Variants in GPBP1L1 observed in about 807,000 individuals in gnomAD.
GPBP1L1 encodes vasculin-like protein 1.
Under a neutral mutation model 52.5 loss-of-function variants are expected in GPBP1L1, and 23 were observed. The ratio of observed to expected loss-of-function variants is 0.44; its 90% CI spans 0.32 to 0.62. The LOEUF (loss-of-function observed/expected upper bound fraction) is 0.62, where lower values mean the gene tolerates loss of function less well. Among genes scored for constraint, GPBP1L1 ranks in the 20% least tolerant of loss-of-function variants. The probability of loss-of-function intolerance (pLI) is 0.06; values close to 1 mark genes in which losing one functional copy is unlikely to be tolerated. For missense variants in GPBP1L1, 596 were observed against 579.3 expected (o/e 1.03, Z -0.30); for synonymous variants, 243 against 203.1 (o/e 1.20, Z -1.67).
chr1:45,683,088 A>G (rs560315893), intron 2 of GPBP1L1, among the ~76,000 whole-genome samples: 22 of 151,078 alleles, frequency 1.5e-4, no homozygotes, highest in African/African-American at 5.4e-4. Context: ...ATCCTTTAAA[A>G]TTTTGTCTGC....
At chr1:45,631,325 C>T (rs1389654603) in intron 10 of GPBP1L1, among the ~76,000 whole-genome samples, 4 of 152,222 alleles carry the variant, frequency 2.6e-5, no homozygotes, top group African/African-American at 7.2e-5. Flanking sequence ...TGCAGTGGCG[C>T]GATCTCGGCT....
intron 6 of GPBP1L1, among the ~76,000 whole-genome samples, chr1:45,643,368 G>T (rs1396160612): frequency 6.6e-6 from 1 of 152,138 alleles, no homozygotes; most frequent in Admixed American, 6.5e-5. Context: ...TATTCTACAG[G>T]TAATGAGGAT....
In GPBP1L1 at chr1:45,640,365, C is replaced by T; in HGVS notation, c.589G>A (p.Val197Ile). ...PSAKQPSKML[V>I]IKKVSKEDPA... ...TCCTCTTTGGAAACTTTTTTGATAA[C>T]TAGCATCTTGGAGGGTTGCTTGGCA... Residue 197 changes from valine to isoleucine, a missense_variant, in exon 8 of 13, where the codon GTT becomes ATT. By Grantham distance (29) the Val-to-Ile change is conservative. Coordinates refer to ENST00000355105, the MANE Select transcript of GPBP1L1 (RefSeq NM_021639.5). The T allele has an allele frequency of 6.2e-7, 1 of 1,614,132 alleles. No homozygotes were observed. Among genetic ancestry groups the T allele is most frequent in the Non-Finnish European group, 8.5e-7 (1 of 1,180,014 alleles).
At chr1:45,643,942 C>G (rs1196503415) in intron 6 of GPBP1L1, among the ~76,000 whole-genome samples, 1 of 152,138 alleles carries the variant, frequency 6.6e-6, no homozygotes, top group African/African-American at 2.4e-5. Flanking sequence ...GCTGAGATTA[C>G]AGGCATGAGC....
At chr1:45,683,852 G>A (rs1569903418) in intron 2 of GPBP1L1, among the ~76,000 whole-genome samples, 2 of 152,138 alleles carry the variant, frequency 1.3e-5, no homozygotes, top group East Asian at 3.9e-4. Context: ...AGCCTGAGAG[G>A]TGGAGGCTGC....
intron 2 of GPBP1L1, among the ~76,000 whole-genome samples, chr1:45,671,053 C>T (rs1182680506): frequency 1.3e-5 from 2 of 152,056 alleles, no homozygotes; most frequent in Non-Finnish European, 2.9e-5. Flanking sequence ...CTCAGCCTCC[C>T]AAAGTGCTGG....
At chr1:45,646,034 A>T (rs2148451490) in intron 6 of GPBP1L1, 1 of 504,412 alleles carries the variant, frequency 2.0e-6, no homozygotes, top group East Asian at 5.6e-5. Flanking sequence ...CAGCTCTGTT[A>T]TCATCAATGA....
chr1:45,643,297 G>A (rs146514922), intron 6 of GPBP1L1, among the ~76,000 whole-genome samples: 71 of 152,324 alleles, frequency 4.7e-4, no homozygotes, highest in Admixed American at 4.6e-3. Flanking sequence ...TGGGGAAAGA[G>A]GTATCTGGCA....
intron 5 of GPBP1L1, 105 bp downstream of exon 5, chr1:45,655,085 T>C: frequency 2.1e-6 from 3 of 1,410,322 alleles, no homozygotes; most frequent in South Asian, 2.4e-5. Context: ...ATGAAAACTA[T>C]GTTCAGAAAA....
chr1:45,647,247 T>C (rs1053976775), intron 6 of GPBP1L1, among the ~76,000 whole-genome samples: 3 of 151,524 alleles, frequency 2.0e-5, no homozygotes, highest in Admixed American at 1.3e-4. Flanking sequence ...CTTGGCTCAC[T>C]GCAACCTCTG....
At chr1:45,642,890 T>C (rs937704698) in intron 6 of GPBP1L1, among the ~76,000 whole-genome samples, 1 of 152,338 alleles carries the variant, frequency 6.6e-6, no homozygotes, top group Middle Eastern at 3.4e-3. Flanking sequence ...GTGAAATGTA[T>C]AGTATTCACT....
rs138555118 is a variant in GPBP1L1, at chr1:45,659,671, C to T, written c.-56+513G>A. 6.2e-4 allele frequency among the ~76,000 whole-genome samples: 94 copies of T among 152,252 alleles called. No individual in the cohort carries two copies. In the East Asian group the frequency reaches 0.013, roughly 21 times the overall value. On this transcript the variant is annotated intron_variant, in intron 3 of 12. Coordinates refer to ENST00000355105, the MANE Select transcript of GPBP1L1 (RefSeq NM_021639.5). The stretch of plus-strand genomic sequence containing the variant: ...TAGAAAAGATCTTCTTGGCTGGGCA[C>T]GGTGGCTCACACCTGTAATCCCAGC...
intron 2 of GPBP1L1, among the ~76,000 whole-genome samples, chr1:45,673,853 C>T (rs926273779): frequency 2.6e-5 from 4 of 152,052 alleles, no homozygotes; most frequent in African/African-American, 7.3e-5. Context: ...AGCAAGACTC[C>T]GTCTCAAACA....
At chr1:45,643,686 T>TG (rs1644703939) in intron 6 of GPBP1L1, among the ~76,000 whole-genome samples, 3 of 116,586 alleles carry the variant, frequency 2.6e-5, no homozygotes, top group African/African-American at 6.5e-5. Flanking sequence ...TTTTTTTTTT[T>TG]TGTGACAGAG....
chr1:45,686,144 G>A (rs1003551517), intron 1 of GPBP1L1, among the ~76,000 whole-genome samples: 2 of 152,232 alleles, frequency 1.3e-5, no homozygotes, highest in African/African-American at 2.4e-5. Context: ...CCGACCCGAC[G>A]ACCGAAGTTA....
chr1:45,675,760 C>CA (rs1251298619), intron 2 of GPBP1L1, among the ~76,000 whole-genome samples: 1 of 152,102 alleles, frequency 6.6e-6, no homozygotes, highest in African/African-American at 2.4e-5. Flanking sequence ...AGGCTGGTCT[C>CA]AAACTCCTGG....
chr1:45,642,461 T>C lies in GPBP1L1; in HGVS notation c.516A>G (p.Pro172=). Residue 172 remains proline (P), a synonymous_variant, in exon 7 of 13, where the codon CCA becomes CCG. Coordinates refer to ENST00000355105, the MANE Select transcript of GPBP1L1 (RefSeq NM_021639.5). ...CAGAAGGTGTCCCAATAGGTCTGCATGGCTGATGCTGTTTGCCAGCTTCTG... is the reference window on the plus strand; with the variant it reads ...CAGAAGGTGTCCCAATAGGTCTGCACGGCTGATGCTGTTTGCCAGCTTCTG... ...LNPEAGKQHQ[P]CRPIGTPSGV... The C allele has an allele frequency of 6.2e-7, 1 of 1,614,094 alleles. No homozygotes were observed.
At chr1:45,677,943 G>A (rs182282700) in intron 2 of GPBP1L1, among the ~76,000 whole-genome samples, 37 of 152,282 alleles carry the variant, frequency 2.4e-4, no homozygotes, top group Admixed American at 8.5e-4. Flanking sequence ...TGGCAAACAA[G>A]TTGTAAAACC....
chr1:45,641,229 T>C lies in GPBP1L1; in HGVS notation c.551-826A>G, dbSNP rs1257947749. Among the ~76,000 whole-genome samples the C allele has an allele frequency of 2.0e-5, 3 of 152,260 alleles. No individual in the cohort carries two copies. The East Asian group carries it at 5.8e-4, about 29-fold the overall frequency. On this transcript the variant is annotated intron_variant, in intron 7 of 12. Transcript: ENST00000355105. ...GGATTCTAAACCCATCATTTAGATA[T>C]GTTAAAGACTTCCCATGTTCTTGGC... is the stretch of plus-strand genomic sequence containing the variant.
Sources: allele counts gnomAD v4.1 joint callset (sites outside exome capture counted in the v4.1 genomes callset), GRCh38; gene constraint gnomAD v4.1.1; transcripts MANE v1.5; gene names NCBI Gene and HGNC (gene_info 2026-07-23, HGNC 2026-07-21).